ACACB: variants seen among roughly 807,000 people sequenced by gnomAD.
The protein encoded by ACACB is acetyl-CoA carboxylase 2.
A neutral mutation model predicts 278.8 loss-of-function variants in ACACB; 209 were observed. The ratio of observed to expected loss-of-function variants is 0.75; its 90% CI spans 0.67 to 0.84. The LOEUF (loss-of-function observed/expected upper bound fraction) is 0.84, where lower values mean the gene tolerates loss of function less well. Ranked by LOEUF, ACACB falls within the 40% of genes least tolerant of loss-of-function variation. ACACB has a pLI of 0.00. For missense variants in ACACB, 2,850 were observed against 3,269.0 expected (o/e 0.87, Z 3.13); for synonymous variants, 1,174 against 1,285.6 (o/e 0.91, Z 1.86).
chr12:109,176,903 C>T (rs6606698), intron 9 of ACACB, among the ~76,000 whole-genome samples: 72,273 of 152,144 alleles, frequency 0.48, 19,304 homozygotes, highest in Middle Eastern at 0.7. Flanking sequence ...AGGTGTGATC[C>T]GCTGCGCCCT....
At chr12:109,172,619 T>C (rs868705640) in intron 6 of ACACB, among the ~76,000 whole-genome samples, 15 of 152,280 alleles carry the variant, frequency 9.9e-5, no homozygotes, top group Middle Eastern at 3.4e-3. Flanking sequence ...TCAACATCAC[T>C]GATCATTAGA....
intron 27 of ACACB, among the ~76,000 whole-genome samples, chr12:109,225,247 C>T (rs1162632556): frequency 1.3e-5 from 2 of 152,168 alleles, no homozygotes; most frequent in Non-Finnish European, 2.9e-5. Flanking sequence ...CCTGCCTCAC[C>T]CTCCCCAGTA....
chr12:109,113,207 A>G (rs2042343107), upstream of ACACB: 1 of 152,274 alleles, frequency 6.6e-6, no homozygotes, highest in Non-Finnish European at 1.5e-5. Flanking sequence ...TCAGCCCAGG[A>G]AAGAAGACAT....
Position 109,265,182 on chromosome 12 carries a change from G to C in ACACB, c.7015G>C (p.Val2339Leu), listed in dbSNP as rs952057988. Reference sequence around the variant, plus strand: ...GCGCCGCCTCCTCCTGGAGGACCAGGTCAAGCAGGAGATCCTGCAGGCCAG... The same window carrying C: ...GCGCCGCCTCCTCCTGGAGGACCAGCTCAAGCAGGAGATCCTGCAGGCCAG... Reference protein sequence around the residue: ...RLRRLLLEDQVKQEILQASGE... With the variant: ...RLRRLLLEDQLKQEILQASGE... The change falls in exon 51 of 53, where the codon GTC becomes CTC. Residue 2339 changes from valine to leucine, a missense_variant. Physicochemically the swap from Val to Leu is conservative, Grantham distance 32. Transcript: ENST00000338432. The C allele has an allele frequency of 6.2e-7, 1 of 1,613,716 alleles. No individual in the cohort carries two copies. The highest frequency in any genetic ancestry group is 1.3e-5 in the African/African-American group (1 of 74,932).
At chr12:109,244,721 G>A (rs2046893158) in intron 37 of ACACB, among the ~76,000 whole-genome samples, 1 of 152,074 alleles carries the variant, frequency 6.6e-6, no homozygotes, top group South Asian at 2.1e-4. Flanking sequence ...GCCTCCCGAA[G>A]TGTTTGGATT....
chr12:109,159,478 G>T (rs546176550), intron 2 of ACACB, among the ~76,000 whole-genome samples: 1 of 152,162 alleles, frequency 6.6e-6, no homozygotes, highest in Non-Finnish European at 1.5e-5. Flanking sequence ...TAGGTCCAGG[G>T]ATAAACTGTT....
chr12:109,210,826 AT>A (rs2045822974), intron 21 of ACACB, among the ~76,000 whole-genome samples: 1 of 151,604 alleles, frequency 6.6e-6, no homozygotes, highest in Admixed American at 6.6e-5. Context: ...AGGCAGGAGA[AT>A]TGCTTGAACC....
At position 109,198,024 on chromosome 12, in the gene ACACB, A is replaced by G. The variant is rs528492683; in HGVS notation, c.2627+871A>G. Among the ~76,000 whole-genome samples the G allele has an allele frequency of 2.6e-5, 4 of 151,972 alleles. No individual in the cohort carries two copies. The South Asian group carries it at 6.3e-4, about 24-fold the overall frequency. On this transcript the variant is annotated intron_variant, in intron 17 of 52. Transcript: ENST00000338432. ...ATGATCCCCCCACCTCAGTCCCCCAAGTTGCTGGGACTACGGGCATGTGCC... is the reference window on the plus strand; with the variant it reads ...ATGATCCCCCCACCTCAGTCCCCCAGGTTGCTGGGACTACGGGCATGTGCC...
intron 45 of ACACB, 59 bp downstream of exon 45, chr12:109,256,295 G>A (rs2047222970): frequency 1.2e-5 from 17 of 1,410,356 alleles, no homozygotes; most frequent in African/African-American, 8.4e-5. Context: ...TTGGGGCCCC[G>A]AGGTGTGAGG....
At chr12:109,173,697 C>T (rs1257822273) in intron 6 of ACACB, among the ~76,000 whole-genome samples, 3 of 152,228 alleles carry the variant, frequency 2.0e-5, no homozygotes, top group Non-Finnish European at 4.4e-5. Context: ...GCTGCTTTCA[C>T]CCAACACTGG....
At chr12:109,247,072 A>AC (rs888557185) in intron 39 of ACACB, among the ~76,000 whole-genome samples, 11 of 151,158 alleles carry the variant, frequency 7.3e-5, no homozygotes, top group African/African-American at 9.7e-5. Flanking sequence ...ACTGAGTGAG[A>AC]CCCCCCATCT....
chr12:109,210,201 A>ATATACACACACATGTGTG (rs1565927014), intron 21 of ACACB, among the ~76,000 whole-genome samples: 3 of 13,586 alleles, frequency 2.2e-4, no homozygotes, highest in African/African-American at 8.8e-4. Flanking sequence ...GTGTATATGT[A>ATATACACACACATGTGTG]TATATGTATA....
At chr12:109,142,858 C>T (rs961801407) in intron 2 of ACACB, among the ~76,000 whole-genome samples, 2 of 152,130 alleles carry the variant, frequency 1.3e-5, no homozygotes, top group Non-Finnish European at 2.9e-5. Context: ...TGAGCCATCA[C>T]GTCTAGCCTA....
intron 37 of ACACB, 172 bp downstream of exon 37, chr12:109,242,764 G>A (rs2046836635): frequency 1.4e-6 from 1 of 704,574 alleles, no homozygotes; most frequent in African/African-American, 1.8e-5. Flanking sequence ...GAGGAGGGAG[G>A]ATTGCTTGAG....
chr12:109,180,670 C>T (rs1257248550), intron 11 of ACACB, among the ~76,000 whole-genome samples: 1 of 151,944 alleles, frequency 6.6e-6, no homozygotes, highest in African/African-American at 2.4e-5. Context: ...CGGAGTCTTG[C>T]TCTGTTGCCC....
intron 2 of ACACB, among the ~76,000 whole-genome samples, chr12:109,164,728 T>G (rs1156238421): frequency 3.3e-5 from 5 of 150,732 alleles, no homozygotes; most frequent in African/African-American, 1.2e-4. Context: ...TTTTTTTTTT[T>G]TTTTTTTGAG....
At chr12:109,246,548 T>C in intron 39 of ACACB, 100 bp downstream of exon 39, 1 of 1,419,686 alleles carries the variant, frequency 7.0e-7, no homozygotes, top group Non-Finnish European at 9.6e-7. Flanking sequence ...AAATCTCACT[T>C]ATGTATAAAG....
Position 109,139,636 on chromosome 12 carries a change from C to A in ACACB, c.231C>A (p.Ala77=). The A allele has an allele frequency of 1.9e-6, 3 of 1,614,106 alleles. No individual in the cohort carries two copies. The highest frequency in any genetic ancestry group is 2.5e-6 in the Non-Finnish European group (3 of 1,179,982). Residue 77 remains alanine (A), a synonymous_variant, in exon 2 of 53, where the codon GCC becomes GCA. Transcript: ENST00000338432. ...LPKTPSQAEP[A]SHKGPKDAGR... ...AGACACCCAGCCAGGCCGAGCCAGC[C>A]TCCCACAAAGGCCCCAAAGATGCCG...
chr12:109,139,661 G>T lies in ACACB; in HGVS notation c.256G>T (p.Gly86Cys). Reference sequence around the variant, plus strand: ...CTCCCACAAAGGCCCCAAAGATGCCGGTCGGCGGAGAAACTCCCTACCACC... The same window carrying T: ...CTCCCACAAAGGCCCCAAAGATGCCTGTCGGCGGAGAAACTCCCTACCACC... ...PASHKGPKDA[G>C]RRRNSLPPSH... The change falls in exon 2 of 53, where the codon GGT becomes TGT. Residue 86 changes from glycine to cysteine, a missense_variant. Gly to Cys is a radical substitution (Grantham distance 159, BLOSUM62 -3). This residue lies in a region of ACACB where 2,265 missense variants were observed against 2,561.3 expected (regional missense o/e 0.88). Transcript: ENST00000338432. The T allele has an allele frequency of 6.2e-7, 1 of 1,614,022 alleles. No individual in the cohort carries two copies. The highest frequency in any genetic ancestry group is 1.1e-5 in the South Asian group (1 of 91,070).
Sources: gnomAD v4.1 joint callset for allele counts (sites outside exome capture counted in the v4.1 genomes callset) on GRCh38, gnomAD v4.1.1 for gene constraint, gnomAD v4.1.1 regional missense constraint, MANE v1.5 for transcripts, NCBI Gene and HGNC (gene_info 2026-07-23, HGNC 2026-07-21) for gene names.